The following FBN3 variants were observed in gnomAD, a reference collection of about 807,000 sequenced individuals.
FBN3 encodes fibrillin-3.
A neutral mutation model predicts 330.1 loss-of-function variants in FBN3; 234 were observed. That is an observed-to-expected ratio of 0.71 (90% confidence interval 0.64 to 0.79). The LOEUF (loss-of-function observed/expected upper bound fraction) is 0.79. FBN3 is among the 30% of genes least tolerant of loss of function. The pLI is 0.00. For missense variants in FBN3, 3,606 were observed against 3,886.9 expected, an observed-to-expected ratio of 0.93 and a Z score of 1.92; for synonymous variants, 1,458 against 1,517.3, an observed-to-expected ratio of 0.96 and a Z score of 0.91.
Position 8,129,474 on chromosome 19 carries a change from G to A in FBN3, c.2045-109C>T. 1 of 1,451,740 alleles carries A rather than the reference G, an allele frequency of 6.9e-7. No individual in the cohort carries two copies. Among genetic ancestry groups the A allele is most frequent in the South Asian group, 1.3e-5 (1 of 76,968 alleles). The allele number at this position is 1,451,740 out of a possible 1,614,324, so 89.9% of individuals were successfully genotyped here. A position where few individuals can be genotyped will look rare whatever the true frequency, so the allele number is the denominator to read the frequency against. ...GGTCTCTAGAAGTCAGATTCCCCAA[G>A]GCCATAGCTCCAGCCCAGACCCGGC... On this transcript the variant is annotated intron_variant, in intron 16 of 63. Coordinates refer to ENST00000600128, the MANE Select transcript of FBN3 (RefSeq NM_032447.5). The surrounding 1 kb of genome is among the most constrained non-coding windows in gnomAD (Gnocchi z 4.5).
chr19:8,141,747 G>A lies in FBN3; in HGVS notation c.835C>T (p.Arg279Trp), dbSNP rs150368416. ...CATGCGGCGCTGCTGTCACTGAGCC[G>A]GTGTCCAACTGGACAGCGGCAATGG... ...SFHCRCPVGH[R>W]LSDSSAACED... The change falls in exon 8 of 64, where the codon CGG (arginine) becomes TGG (tryptophan). Residue 279 changes from arginine (R) to tryptophan (W), a missense_variant. Arg to Trp is a moderately radical substitution (Grantham distance 101, BLOSUM62 -3). Transcript: ENST00000600128. 141 of 1,614,090 alleles carry A rather than the reference G, an allele frequency of 8.7e-5. No individual in the cohort carries two copies. The highest frequency in any genetic ancestry group is 3.1e-4 in the African/African-American group (23 of 75,048).
intron 13 of FBN3, among the ~76,000 whole-genome samples, chr19:8,133,659 G>A (rs898321628): frequency 6.6e-6 from 1 of 151,738 alleles, no homozygotes; most frequent in Admixed American, 6.6e-5. Context: ...TCACCATGTT[G>A]GCCAGGCTAG....
chr19:8,069,737 C>T (rs2081472497), intron 63 of FBN3, among the ~76,000 whole-genome samples: 1 of 152,180 alleles, frequency 6.6e-6, no homozygotes, highest in Admixed American at 6.6e-5. Context: ...AGGCACATGG[C>T]ACCACAGCTG....
At chr19:8,116,054 C>G (rs1384461423) in intron 29 of FBN3, among the ~76,000 whole-genome samples, 2 of 152,052 alleles carry the variant, frequency 1.3e-5, no homozygotes, top group Non-Finnish European at 2.9e-5. Context: ...TTCACAAGGC[C>G]CATCGCTGAA....
rs1242261480 is a variant in FBN3, at chr19:8,087,870, A to T, written c.6574T>A (p.Cys2192Ser). 7 of 1,614,116 alleles carry T rather than the reference A, an allele frequency of 4.3e-6. No individual in the cohort carries two copies. The African/African-American group carries it at 8.0e-5, about 18-fold the overall frequency. Residue 2192 changes from cysteine to serine, a missense_variant, in exon 53 of 64, where the codon TGT becomes AGT. Cys to Ser is a moderately radical substitution (Grantham distance 112). Transcript: ENST00000600128. ...HNTEGSYLCT[C>S]PAGYTLREDG... ...TCCCGCAGGGTGTAGCCGGCTGGAC[A>T]GGTGCACAGGTAGGAGCCCTCGGTA...
chr19:8,102,241 G>A (rs149938858), intron 40 of FBN3, among the ~76,000 whole-genome samples: 1,797 of 150,408 alleles, frequency 0.012, 16 homozygotes, highest in Admixed American at 0.022. Context: ...TTGAGATGGA[G>A]TCTTGCTCTG....
intron 57 of FBN3, among the ~76,000 whole-genome samples, chr19:8,082,098 G>C (rs994630186): frequency 6.6e-6 from 1 of 151,872 alleles, no homozygotes; most frequent in East Asian, 1.9e-4. Flanking sequence ...CAAGCAGCTG[G>C]GATTACAGGC....
At position 8,136,084 on chromosome 19, in the gene FBN3, C is replaced by T. The variant is rs202121553; in HGVS notation, c.1468G>A (p.Val490Met). 6.8e-6 allele frequency: 11 copies of T among 1,613,976 alleles called. No individual in the cohort carries two copies. The Admixed American group carries it at 1.3e-4, about 20-fold the overall frequency. The change falls in exon 13 of 64, where the codon GTG (valine) becomes ATG (methionine). Residue 490 changes from valine to methionine, a missense_variant and splice_region_variant. Physicochemically the swap from Val to Met is conservative, Grantham distance 21. Coordinates refer to ENST00000600128, the MANE Select transcript of FBN3 (RefSeq NM_032447.5). The stretch of plus-strand genomic sequence containing the variant: ...CCACCACTGACAATGCACTCGTCCA[C>T]ATCTGCGGGGAAGGCAGGCGGGCAG... ...ATPTRQACVD[V>M]DECIVSGGLC...
At chr19:8,108,982 A>G (rs2082512186) in intron 36 of FBN3, among the ~76,000 whole-genome samples, 1 of 152,100 alleles carries the variant, frequency 6.6e-6, no homozygotes, top group East Asian at 1.9e-4. Context: ...ATATTTGTTG[A>G]CTGACTGAGT....
intron 57 of FBN3, among the ~76,000 whole-genome samples, chr19:8,082,363 CTTTTTTCT>C (rs1159295539): frequency 8.1e-6 from 1 of 122,928 alleles, no homozygotes; most frequent in African/African-American, 3.6e-5. Context: ...CTCTCTCTTT[CTTTTTTCT>C]TTCTTTCTCT....
At chr19:8,145,180 C>T (rs907164942) in intron 5 of FBN3, among the ~76,000 whole-genome samples, 2 of 152,032 alleles carry the variant, frequency 1.3e-5, no homozygotes. Flanking sequence ...TCGAGACCAG[C>T]CTGTCCAATA....
intron 49 of FBN3, 48 bp from the exon 50 acceptor site, chr19:8,090,007 C>A: frequency 6.2e-7 from 1 of 1,600,360 alleles, no homozygotes; most frequent in Non-Finnish European, 8.5e-7. Flanking sequence ...TAGGTGCAGC[C>A]CCCAGGTGTG....
At chr19:8,072,739 C>A (rs2081545380) in intron 62 of FBN3, among the ~76,000 whole-genome samples, 3 of 151,972 alleles carry the variant, frequency 2.0e-5, no homozygotes, top group Admixed American at 2.0e-4. Flanking sequence ...CACACACACA[C>A]ACACGTGTGC....
At position 8,079,367 on chromosome 19, in the gene FBN3, C is replaced by T. The variant is rs552087553; in HGVS notation, c.7453+1636G>A. Among the ~76,000 whole-genome samples the T allele has an allele frequency of 4.6e-5, 7 of 152,170 alleles. 1 individual carries two copies. The South Asian group carries it at 6.2e-4, about 14-fold the overall frequency. ...AGGAATTTGAAGTTTCAGTGAGCTGCGATCACATTGCTGTATTCCAGCCTG... is the reference window on the plus strand; with the variant it reads ...AGGAATTTGAAGTTTCAGTGAGCTGTGATCACATTGCTGTATTCCAGCCTG... On this transcript the variant is annotated intron_variant, in intron 59 of 63. Coordinates refer to ENST00000600128, the MANE Select transcript of FBN3 (RefSeq NM_032447.5).
intron 47 of FBN3, among the ~76,000 whole-genome samples, chr19:8,093,697 G>C (rs1330767332): frequency 2.0e-5 from 3 of 152,212 alleles, no homozygotes. Flanking sequence ...TGAGGCAGGA[G>C]AATCTCTTGA....
chr19:8,090,545 A>C (rs1599314102), intron 48 of FBN3, among the ~76,000 whole-genome samples: 1 of 148,422 alleles, frequency 6.7e-6, no homozygotes, highest in Admixed American at 6.8e-5. Flanking sequence ...GTGCAGTGGC[A>C]CGATCTCAGC....
rs758055362 is a variant in FBN3 at position 8,109,965 on chromosome 19, C to G, written c.4334-212G>C. Among the ~76,000 whole-genome samples the G allele has an allele frequency of 5.3e-5, 8 of 152,248 alleles. No individual in the cohort carries two copies. The highest frequency in any genetic ancestry group is 1.0e-4 in the Non-Finnish European group (7 of 68,054). Reference sequence around the variant, plus strand: ...CTCCAACCCCATTCCCTCTCCTGCTCTGTTCTGCCTGGCAGAGTTTTGTTC... The same window carrying G: ...CTCCAACCCCATTCCCTCTCCTGCTGTGTTCTGCCTGGCAGAGTTTTGTTC... On this transcript the variant is annotated intron_variant, in intron 34 of 63. Coordinates refer to ENST00000600128, the MANE Select transcript of FBN3 (RefSeq NM_032447.5). This position sits in a 1 kb window ranked among gnomAD's most constrained non-coding sequence, Gnocchi z 5.2.
chr19:8,077,848 G>C (rs1169106520), intron 59 of FBN3, among the ~76,000 whole-genome samples: 1 of 152,140 alleles, frequency 6.6e-6, no homozygotes, highest in East Asian at 1.9e-4. Context: ...AGGCCGAGAT[G>C]GGCAGATTGC....
Position 8,095,412 on chromosome 19 carries a change from A to G in FBN3, c.5748T>C (p.Asp1916=). ...TAGSFHCLCQ[D]GFELTADGKN... ...TCCCATCAGCTGTGAGCTCAAAGCC[A>G]TCCTGGCAGAGGCAGTGGAAGGAAC... The change falls in exon 46 of 64, where the codon GAT becomes GAC. Residue 1916 remains aspartate (D), a synonymous_variant. Coordinates refer to ENST00000600128, the MANE Select transcript of FBN3 (RefSeq NM_032447.5). 6.2e-7 allele frequency: 1 copy of G among 1,613,628 alleles called. No homozygotes were observed. Among genetic ancestry groups the G allele is most frequent in the Non-Finnish European group, 8.5e-7 (1 of 1,179,714 alleles).
Sources: allele counts gnomAD v4.1 joint callset (sites outside exome capture counted in the v4.1 genomes callset), GRCh38; gene constraint gnomAD v4.1.1; non-coding constraint Gnocchi (gnomAD v3.1); transcripts MANE v1.5; gene names NCBI Gene and HGNC (gene_info 2026-07-23, HGNC 2026-07-21).